POLE: variants seen among roughly 807,000 people sequenced by gnomAD.
POLE encodes the protein DNA polymerase epsilon, catalytic subunit, also known as DNA polymerase epsilon catalytic subunit A.
In POLE, 188 loss-of-function variants were observed where a neutral mutation model predicts 279.2. The observed-to-expected ratio is 0.67, with a 90% confidence interval of 0.60 to 0.76. The LOEUF (loss-of-function observed/expected upper bound fraction) is 0.76, where lower values mean the gene tolerates loss of function less well. Among genes scored for constraint, POLE ranks in the 30% least tolerant of loss-of-function variants. The probability of loss-of-function intolerance (pLI) is 0.00; values close to 1 mark genes in which losing one functional copy is unlikely to be tolerated. For missense variants in POLE, 2,703 were observed against 3,016.7 expected, an observed-to-expected ratio of 0.90 and a Z score of 2.44; for synonymous variants, 1,214 against 1,172.5, an observed-to-expected ratio of 1.04 and a Z score of -0.72.
Position 132,624,646 on chromosome 12 carries a change from G to T in POLE, c.*51C>A. ...ACTGGAAGCACGGGGATGTGGCCTT[G>T]GCATCAGGAGGCCTGGCACGGACGC... On this transcript the variant is annotated 3_prime_UTR_variant, in exon 49 of 49. Transcript: ENST00000320574. 2 of 1,002,934 alleles carry T rather than the reference G, an allele frequency of 2.0e-6. No homozygotes were observed. The highest frequency in any genetic ancestry group is 3.2e-6 in the Non-Finnish European group (2 of 623,492). 62.1% of individuals were successfully genotyped at this position (1,002,934 alleles called of 1,614,324 possible).
At chr12:132,648,353 G>C (rs1283425398) in intron 32 of POLE, among the ~76,000 whole-genome samples, 2 of 151,682 alleles carry the variant, frequency 1.3e-5, no homozygotes, top group Admixed American at 6.6e-5. Flanking sequence ...GTGAGGGGAG[G>C]GGGAATATCA....
At position 132,639,119 on chromosome 12, in the gene POLE, A is replaced by T. The variant is rs2138508078; in HGVS notation, c.5552+6T>A. The T allele has an allele frequency of 6.2e-7, 1 of 1,613,526 alleles. No homozygotes were observed. The highest frequency in any genetic ancestry group is 8.5e-7 in the Non-Finnish European group (1 of 1,179,486). On this transcript the variant is annotated splice_donor_region_variant and intron_variant, in intron 40 of 48. Transcript: ENST00000320574. The surrounding 1 kb of genome is among the most constrained non-coding windows in gnomAD (Gnocchi z 4.7). ...GGTGGACAGCCCAGGGAGGAGGAGC[A>T]CTCACTGCAGGAAGAGCTTCTTCAT...
chr12:132,667,453 A>G, intron 20 of POLE, 50 bp downstream of exon 20: 1 of 1,600,782 alleles, frequency 6.2e-7, no homozygotes, highest in Non-Finnish European at 8.6e-7. Context: ...TCATGAGCCG[A>G]CTGAAACTGC....
intron 5 of POLE, 117 bp from the exon 6 acceptor site, chr12:132,679,768 T>C: frequency 1.6e-6 from 2 of 1,225,810 alleles, no homozygotes; most frequent in Non-Finnish European, 2.3e-6. Flanking sequence ...CAAGGCACCT[T>C]GTCCAACTCT....
At position 132,642,472 on chromosome 12, in the gene POLE, G is replaced by A. The variant is rs371801601; in HGVS notation, c.4952+34C>T. The A allele has an allele frequency of 6.2e-4, 999 of 1,603,156 alleles. 9 individuals carry two copies. The South Asian group carries it at 7.0e-3, about 11-fold the overall frequency. ...ACCACCGAGGCCGGCTCTGCCTGGGGACCACTGGCCCACAACGACAGTACT... is the reference window on the plus strand; with the variant it reads ...ACCACCGAGGCCGGCTCTGCCTGGGAACCACTGGCCCACAACGACAGTACT... On this transcript the variant is annotated intron_variant, in intron 37 of 48. Coordinates refer to ENST00000320574, the MANE Select transcript of POLE (RefSeq NM_006231.4).
chr12:132,675,602 G>A lies in POLE; in HGVS notation c.1107-85C>T, dbSNP rs1441909035. 6.3e-7 allele frequency: 1 copy of A among 1,597,162 alleles called. No homozygotes were observed. The highest frequency in any genetic ancestry group is 8.5e-7 in the Non-Finnish European group (1 of 1,169,754). ...CCATTCCTCCCTCAGACCCAGGGAG[G>A]AACCCAGACACGGGAGGTGCAGAGT... On this transcript the variant is annotated intron_variant, in intron 11 of 48. Transcript: ENST00000320574. The surrounding 1 kb of genome is among the most constrained non-coding windows in gnomAD (Gnocchi z 4.3).
intron 32 of POLE, 105 bp from the exon 33 acceptor site, chr12:132,644,082 T>A: frequency 8.1e-7 from 1 of 1,239,034 alleles, no homozygotes; most frequent in Non-Finnish European, 1.1e-6. Context: ...CTGGTGCCCC[T>A]AGCGACGGGG....
rs757559474 is a variant in POLE, at chr12:132,632,371, C to T, written c.6274G>A (p.Gly2092Ser). ...ELSEMFPVLP[G>S]SHLLLNNPAL... is the part of the protein sequence containing the mutation. ...GGGTTATTGAGCAGCAAGTGGGAAC[C>T]GGGGAGGACAGGAAACATCTCTGAG... The change falls in exon 45 of 49, where the codon GGT becomes AGT. Residue 2092 changes from glycine (G) to serine (S), a missense_variant. Transcript: ENST00000320574. The T allele has an allele frequency of 2.9e-5, 46 of 1,613,952 alleles. No individual in the cohort carries two copies. The African/African-American group carries it at 3.6e-4, about 13-fold the overall frequency.
intron 5 of POLE, 138 bp from the exon 6 acceptor site, chr12:132,679,789 C>G: frequency 9.7e-7 from 1 of 1,033,078 alleles, no homozygotes; most frequent in Non-Finnish European, 1.4e-6. Context: ...GCACGTGGCA[C>G]CAACTAACAC....
intron 29 of POLE, chr12:132,650,715 T>C (rs2042403583): frequency 6.6e-6 from 1 of 152,200 alleles, no homozygotes; most frequent in African/African-American, 2.4e-5. Flanking sequence ...GAATGCTTTT[T>C]GTAAGAAAGA....
At chr12:132,631,063 TC>T (rs2041924793) in intron 45 of POLE, among the ~76,000 whole-genome samples, 1 of 152,340 alleles carries the variant, frequency 6.6e-6, no homozygotes, top group African/African-American at 2.4e-5. Context: ...CAAATGTCCT[TC>T]CACCAGTGAA....
In POLE at chr12:132,668,851, C is replaced by G. The variant is rs769889052; in HGVS notation, c.1883G>C (p.Gly628Ala). The G allele has an allele frequency of 1.2e-6, 2 of 1,614,112 alleles. No homozygotes were observed. The highest frequency in any genetic ancestry group is 1.7e-6 in the Non-Finnish European group (2 of 1,180,000). The stretch of plus-strand genomic sequence containing the variant: ...CAGGATGATGTTGGGGTACATGGCC[C>G]CCACGTCCAGGTGGTAGATGAGTGG... ...ECPLIYHLDV[G>A]AMYPNIILTN... Residue 628 changes from glycine (G) to alanine (A), a missense_variant, in exon 17 of 49, where the codon GGG (glycine) becomes GCG (alanine). Around this residue, in one of 5 missense-constraint regions of POLE, gnomAD observed 1,011 missense variants for 1,111.7 expected, o/e 0.91. Coordinates refer to ENST00000320574, the MANE Select transcript of POLE (RefSeq NM_006231.4). The surrounding 1 kb of genome is among the most constrained non-coding windows in gnomAD (Gnocchi z 4.0).
chr12:132,672,365 C>A, intron 15 of POLE, 43 bp from the exon 16 acceptor site: 5 of 1,473,334 alleles, frequency 3.4e-6, no homozygotes, highest in Non-Finnish European at 4.7e-6. Context: ...GGAAACACAC[C>A]CACACTAGCC....
chr12:132,686,512 A>G (rs1350983783), intron 1 of POLE, among the ~76,000 whole-genome samples: 2 of 151,400 alleles, frequency 1.3e-5, no homozygotes, highest in African/African-American at 4.8e-5. Flanking sequence ...AGGCGGGCGG[A>G]TCACCTGAGG....
chr12:132,647,546 A>T (rs573647567), intron 32 of POLE, among the ~76,000 whole-genome samples: 184 of 152,252 alleles, frequency 1.2e-3, no homozygotes, highest in South Asian at 2.7e-3. Context: ...TTATAAAGGA[A>T]ACAGCTAATA....
rs1232121585 is a variant in POLE, at chr12:132,624,956, C to A, written c.6696G>T (p.Met2232Ile). ...CTCCCGCGCAGCTGCAGTACACAGGCATGCTGGTCTCCTTCACCCCGCGGC... is the reference window on the plus strand; with the variant it reads ...CTCCCGCGCAGCTGCAGTACACAGGAATGCTGGTCTCCTTCACCCCGCGGC... ...LKCRGVKETS[M>I]PVYCSCAGDF... Residue 2232 changes from methionine (M) to isoleucine (I), a missense_variant, in exon 48 of 49, where the codon ATG (methionine) becomes ATT (isoleucine). Around this residue, in one of 5 missense-constraint regions of POLE, gnomAD observed 1,551 missense variants for 1,686.1 expected, o/e 0.92. Coordinates refer to ENST00000320574, the MANE Select transcript of POLE (RefSeq NM_006231.4). The A allele has an allele frequency of 6.2e-7, 1 of 1,614,080 alleles. No individual in the cohort carries two copies. The highest frequency in any genetic ancestry group is 8.5e-7 in the Non-Finnish European group (1 of 1,179,996).
chr12:132,679,842 C>T lies in POLE; in HGVS notation c.423+112G>A, dbSNP rs917343044. 4 of 980,660 alleles carry T rather than the reference C, an allele frequency of 4.1e-6. No individual in the cohort carries two copies. The East Asian group carries it at 7.2e-5, about 18-fold the overall frequency. 60.7% of individuals were successfully genotyped at this position (980,660 alleles called of 1,614,324 possible). On this transcript the variant is annotated intron_variant, in intron 5 of 48. Transcript: ENST00000320574. ...AGGAATTTTATAGACGGTCACCACA[C>T]CGCCCCATCACCCAACAGATGACCT...
At chr12:132,680,458 G>T (rs1234799806) in intron 3 of POLE, 149 bp downstream of exon 3, 3 of 690,608 alleles carry the variant, frequency 4.3e-6, no homozygotes, top group East Asian at 2.6e-5. Context: ...GACATCTTAC[G>T]TGATGACTGA....
In POLE at chr12:132,659,327, GGAGATGATGTA is replaced by G. The variant is rs763470055; in HGVS notation, c.3232_3242del (p.Tyr1078ProfsTer42). 5 of 1,614,188 alleles carry G rather than the reference GGAGATGATGTA, an allele frequency of 3.1e-6. No individual in the cohort carries two copies. The East Asian group carries it at 1.1e-4, about 36-fold the overall frequency. On this transcript the variant is annotated frameshift_variant, in exon 26 of 49. Coordinates refer to ENST00000320574, the MANE Select transcript of POLE (RefSeq NM_006231.4). LOFTEE classifies it high-confidence loss of function. ...TGACAGGGGAGCCCTCGGGCTTGCG[GGAGATGATGTA>G]GCGGCAACTCAGCCCTGCATCCTTG... is the stretch of plus-strand genomic sequence containing the variant.
Sources: gnomAD v4.1 joint callset for allele counts (sites outside exome capture counted in the v4.1 genomes callset) on GRCh38, gnomAD v4.1.1 for gene constraint, gnomAD v4.1.1 regional missense constraint, Gnocchi (gnomAD v3.1) non-coding constraint, MANE v1.5 for transcripts, NCBI Gene and HGNC (gene_info 2026-07-23, HGNC 2026-07-21) for gene names.